Variants in CDH13 observed in about 807,000 individuals in gnomAD.
The protein encoded by CDH13 is cadherin 13.
A neutral mutation model predicts 63.8 loss-of-function variants in CDH13; 24 were observed. The observed-to-expected ratio is 0.38, with a 90% CI of 0.27 to 0.53. The LOEUF is 0.53. Ranked by LOEUF, CDH13 falls within the 20% of genes least tolerant of loss-of-function variation. The pLI, the probability that CDH13 is intolerant of heterozygous loss-of-function variation, is 0.85. For missense variants in CDH13, 1,049 were observed against 903.1 expected (o/e 1.16, Z -2.07); for synonymous variants, 503 against 355.3 (o/e 1.42, Z -4.67).
intron 2 of CDH13, among the ~76,000 whole-genome samples, chr16:82,860,159 G>A (rs956511202): frequency 1.3e-5 from 2 of 151,840 alleles, no homozygotes; most frequent in Admixed American, 6.6e-5. Flanking sequence ...ATCCCAAATG[G>A]CATCTATGTT....
chr16:83,303,312 G>T (rs2089793842), intron 5 of CDH13, among the ~76,000 whole-genome samples: 1 of 152,200 alleles, frequency 6.6e-6, no homozygotes, highest in Non-Finnish European at 1.5e-5. Flanking sequence ...AAAGGAGGAT[G>T]ATCACGCAAT....
rs113379763 is a variant in CDH13, at chr16:82,970,325, T to C, written c.158-61685T>C. 9.8e-3 allele frequency among the ~76,000 whole-genome samples: 1,483 copies of C among 151,804 alleles called. 30 individuals carry two copies. The highest frequency in any genetic ancestry group is 0.034 in the African/African-American group (1,427 of 41,400). On this transcript the variant is annotated intron_variant, in intron 2 of 13. Coordinates refer to ENST00000567109, the MANE Select transcript of CDH13 (RefSeq NM_001257.5). ...TGCCACATTTTCTTTATCCAGTCTA[T>C]CATTGATGGGCATTTGGGTTGGTTT...
At chr16:83,542,306 TA>T (rs1188237703) in intron 7 of CDH13, among the ~76,000 whole-genome samples, 1 of 152,198 alleles carries the variant, frequency 6.6e-6, no homozygotes, top group Non-Finnish European at 1.5e-5. Flanking sequence ...CAGATGAATG[TA>T]ATGTGCAGCC....
intron 3 of CDH13, among the ~76,000 whole-genome samples, chr16:83,038,711 A>G (rs1050790871): frequency 2.0e-5 from 3 of 152,238 alleles, no homozygotes; most frequent in Admixed American, 2.0e-4. Context: ...AAGTTTACAC[A>G]GAAAAGCTCC....
At chr16:82,894,863 C>T (rs557394155) in intron 2 of CDH13, among the ~76,000 whole-genome samples, 3 of 152,142 alleles carry the variant, frequency 2.0e-5, no homozygotes, top group Admixed American at 6.5e-5. Context: ...AAGACTATGG[C>T]GAAGGCCTTG....
chr16:83,634,162 G>GA, intron 8 of CDH13, among the ~76,000 whole-genome samples: 1 of 117,794 alleles, frequency 8.5e-6, no homozygotes, highest in African/African-American at 3.2e-5. Flanking sequence ...TGTGTGTGTG[G>GA]TCCTACGCAT....
intron 3 of CDH13, among the ~76,000 whole-genome samples, chr16:83,091,886 T>C (rs2033930225): frequency 6.6e-6 from 1 of 152,250 alleles, no homozygotes; most frequent in Admixed American, 6.5e-5. Context: ...GAAGCAGTGA[T>C]TCATAAGTAT....
chr16:82,668,410 T>G (rs1046815631), intron 1 of CDH13, among the ~76,000 whole-genome samples: 1 of 151,802 alleles, frequency 6.6e-6, no homozygotes, highest in Non-Finnish European at 1.5e-5. Context: ...CCATGAGGGG[T>G]AAAATAAGTA....
At chr16:83,484,461 C>A (rs1002774591) in intron 6 of CDH13, among the ~76,000 whole-genome samples, 15 of 152,094 alleles carry the variant, frequency 9.9e-5, no homozygotes, top group African/African-American at 3.4e-4. Context: ...GGCAGGATGC[C>A]CTAATCCAAA....
intron 10 of CDH13, among the ~76,000 whole-genome samples, chr16:83,741,498 A>G (rs1382726059): frequency 2.6e-5 from 3 of 116,162 alleles, no homozygotes; most frequent in Non-Finnish European, 3.8e-5. Flanking sequence ...GTATATATAT[A>G]TATGTGTGTG....
At chr16:82,814,318 C>A (rs1031304845) in intron 1 of CDH13, among the ~76,000 whole-genome samples, 6 of 152,112 alleles carry the variant, frequency 3.9e-5, no homozygotes, top group Non-Finnish European at 5.9e-5. Context: ...TGCTGGGCTC[C>A]TGGATACCCC....
At chr16:82,696,020 A>G (rs948662580) in intron 1 of CDH13, among the ~76,000 whole-genome samples, 1 of 152,184 alleles carries the variant, frequency 6.6e-6, no homozygotes, top group East Asian at 1.9e-4. Context: ...TCTGACAGTT[A>G]CTTTCTCTCC....
intron 2 of CDH13, among the ~76,000 whole-genome samples, chr16:82,936,881 C>T (rs887233536): frequency 6.6e-6 from 1 of 152,072 alleles, no homozygotes; most frequent in South Asian, 2.1e-4. Flanking sequence ...TTCATGGACT[C>T]CTCCCAGAGT....
chr16:82,993,996 C>A (rs1207763747), intron 2 of CDH13, among the ~76,000 whole-genome samples: 2 of 152,162 alleles, frequency 1.3e-5, no homozygotes, highest in African/African-American at 4.8e-5. Context: ...ATCATTATAT[C>A]CCTTTTCAGG....
chr16:83,061,763 T>TA (rs112389594), intron 3 of CDH13, among the ~76,000 whole-genome samples: 3 of 152,312 alleles, frequency 2.0e-5, no homozygotes, highest in African/African-American at 7.2e-5. Flanking sequence ...TAAAGAAGCC[T>TA]CACCCCAGAT....
At chr16:82,653,713 C>G (rs566001369) in intron 1 of CDH13, among the ~76,000 whole-genome samples, 9 of 152,126 alleles carry the variant, frequency 5.9e-5, no homozygotes, top group African/African-American at 2.2e-4. Flanking sequence ...GGATTTCACC[C>G]TGGAGGCGCA....
chr16:82,670,684 T>C (rs1182815050), intron 1 of CDH13, among the ~76,000 whole-genome samples: 1 of 152,132 alleles, frequency 6.6e-6, no homozygotes, highest in Non-Finnish European at 1.5e-5. Context: ...TAATTTGGGG[T>C]AGTCGGGTAT....
chr16:83,241,967 A>G (rs903257640), intron 5 of CDH13, among the ~76,000 whole-genome samples: 4 of 152,166 alleles, frequency 2.6e-5, no homozygotes, highest in Non-Finnish European at 5.9e-5. Context: ...GTATAGTTTT[A>G]GGTCTCACAT....
At chr16:83,502,351 C>G (rs1028693786) in intron 7 of CDH13, among the ~76,000 whole-genome samples, 1 of 151,788 alleles carries the variant, frequency 6.6e-6, no homozygotes, top group Non-Finnish European at 1.5e-5. Context: ...GCCCACCATG[C>G]AAGGGCTGTG....
Sources: allele counts gnomAD v4.1 joint callset (sites outside exome capture counted in the v4.1 genomes callset), GRCh38; gene constraint gnomAD v4.1.1; transcripts MANE v1.5; gene names NCBI Gene and HGNC (gene_info 2026-07-23, HGNC 2026-07-21).